Variants in KRT74 observed in about 807,000 individuals in gnomAD.
The protein encoded by KRT74 is keratin, type II cytoskeletal 74.
In KRT74, 43 loss-of-function variants were observed where a neutral mutation model predicts 42.7. The observed-to-expected ratio is 1.01, with a 90% CI of 0.79 to 1.30. The LOEUF (loss-of-function observed/expected upper bound fraction) is 1.30, where lower values mean the gene tolerates loss of function less well. Ranked by LOEUF, KRT74 falls within the 50% of genes most tolerant of loss-of-function variation. The pLI, the probability that KRT74 is intolerant of heterozygous loss-of-function variation, is 0.00. For missense variants in KRT74, 736 were observed against 689.1 expected, an observed-to-expected ratio of 1.07 and a Z score of -0.76; for synonymous variants, 302 against 279.0, an observed-to-expected ratio of 1.08 and a Z score of -0.82.
Position 52,569,710 on chromosome 12 carries a change from G to A in KRT74, c.1134+149C>T, listed in dbSNP as rs185397478. The A allele has an allele frequency of 4.3e-3, 4,248 of 990,634 alleles. 16 individuals are homozygous for A. The highest frequency in any genetic ancestry group is 0.01 in the East Asian group (427 of 41,776). The allele number at this position is 990,634 out of a possible 1,614,324, so 61.4% of individuals were successfully genotyped here. On this transcript the variant is annotated intron_variant, in intron 6 of 8. Transcript: ENST00000305620. ...GTACCAGCTCTGATGGTAGGGTACC[G>A]AGGCAGGGTGGGAAAGGGAGACTGT...
At position 52,572,758 on chromosome 12, in the gene KRT74, AT is replaced by A. The variant is rs1280880782; in HGVS notation, c.472-92del. On this transcript the variant is annotated intron_variant, in intron 1 of 8. Transcript: ENST00000305620. ...CATTGACTCCCCAGGTTTGCCATAG[AT>A]TGTTGTAGTCATTTTTGCTCATGTC... is the stretch of plus-strand genomic sequence containing the variant. 3.4e-6 allele frequency: 4 copies of A among 1,193,344 alleles called. No homozygotes were observed. In the African/African-American group the frequency reaches 6.0e-5, roughly 18 times the overall value. The allele number at this position is 1,193,344 out of a possible 1,614,324, so 73.9% of individuals were successfully genotyped here.
At position 52,568,277 on chromosome 12, in the gene KRT74, T is replaced by G; in HGVS notation, c.1247A>C (p.Glu416Ala). ...CTCGCGCAGCATCCGCGCCAGCTCC[T>G]CCTTGGCCTGGTGCAGGGCGCCCTC... ...ELEGALHQAK[E>A]ELARMLREYQ... Residue 416 changes from glutamate (E) to alanine (A), a missense_variant, in exon 7 of 9, where the codon GAG (glutamate) becomes GCG (alanine). By Grantham distance (107) the Glu-to-Ala change is moderately radical. Coordinates refer to ENST00000305620, the MANE Select transcript of KRT74 (RefSeq NM_175053.4). The G allele has an allele frequency of 6.2e-7, 1 of 1,614,156 alleles. No homozygotes were observed. Among genetic ancestry groups the G allele is most frequent in the South Asian group, 1.1e-5 (1 of 91,082 alleles).
intron 2 of KRT74, among the ~76,000 whole-genome samples, chr12:52,572,210 G>A (rs1022801058): frequency 6.6e-6 from 1 of 152,098 alleles, no homozygotes; most frequent in Non-Finnish European, 1.5e-5. Flanking sequence ...GGTGCCTATT[G>A]GGCTCCCGAC....
chr12:52,571,457 GC>G lies in KRT74; in HGVS notation c.748-4del. The G allele has an allele frequency of 6.2e-7, 1 of 1,610,000 alleles. No individual in the cohort carries two copies. Among genetic ancestry groups the G allele is most frequent in the African/African-American group, 1.3e-5 (1 of 74,936 alleles). On this transcript the variant is annotated splice_polypyrimidine_tract_variant and splice_region_variant and intron_variant, in intron 3 of 8. Transcript: ENST00000305620. ...ACTGCGTAGGCTGCATCTGCATCCT[GC>G]CAAGAGGCCCCAGAGTCATTGGGGG...
chr12:52,566,912 T>G lies in KRT74; in HGVS notation c.*57A>C. ...GGGAACTTGGGTGTGGCAGACACCT[T>G]TGGGGGTGGCAAAGTCACCTCTTCT... is the stretch of plus-strand genomic sequence containing the variant. On this transcript the variant is annotated 3_prime_UTR_variant, in exon 9 of 9. Coordinates refer to ENST00000305620, the MANE Select transcript of KRT74 (RefSeq NM_175053.4). The G allele has an allele frequency of 6.7e-7, 1 of 1,496,612 alleles. No individual in the cohort carries two copies. Among genetic ancestry groups the G allele is most frequent in the Non-Finnish European group, 9.2e-7 (1 of 1,087,980 alleles). The allele number at this position is 1,496,612 out of a possible 1,614,324, so 92.7% of individuals were successfully genotyped here. A position where few individuals can be genotyped will look rare whatever the true frequency, so the allele number is the denominator to read the frequency against.
chr12:52,569,804 C>G, intron 6 of KRT74, 55 bp downstream of exon 6: 1 of 1,611,548 alleles, frequency 6.2e-7, no homozygotes, highest in Non-Finnish European at 8.5e-7. Flanking sequence ...GCCCCATTTC[C>G]TCATCCCAGA....
In KRT74 at chr12:52,573,393, G is replaced by T; in HGVS notation, c.385C>A (p.Leu129Met). ...KSLLAPLNVELDPEIQKVRAQ... is the reference protein window; with the variant it reads ...KSLLAPLNVEMDPEIQKVRAQ... ...CGCACCTTCTGGATCTCAGGGTCCA[G>T]CTCCACGTTGAGGGGGGCCAAGAGG... Residue 129 changes from leucine (L) to methionine (M), a missense_variant, in exon 1 of 9, where the codon CTG (leucine) becomes ATG (methionine). Coordinates refer to ENST00000305620, the MANE Select transcript of KRT74 (RefSeq NM_175053.4). 1.9e-6 allele frequency: 3 copies of T among 1,614,228 alleles called. No individual in the cohort carries two copies. Among genetic ancestry groups the T allele is most frequent in the Non-Finnish European group, 2.5e-6 (3 of 1,180,038 alleles).
At position 52,571,521 on chromosome 12, in the gene KRT74, T is replaced by G. The variant is rs1264115239; in HGVS notation, c.748-67A>C. Reference sequence around the variant, plus strand: ...TCCCACAGCTGCCCTGCCCAACTCCTGCCTCAAAGCCACCTGATTTTCTAT... The same window carrying G: ...TCCCACAGCTGCCCTGCCCAACTCCGGCCTCAAAGCCACCTGATTTTCTAT... On this transcript the variant is annotated intron_variant, in intron 3 of 8. Transcript: ENST00000305620. 6.2e-6 allele frequency: 7 copies of G among 1,128,948 alleles called. No homozygotes were observed. The African/African-American group carries it at 1.1e-4, about 17-fold the overall frequency. The allele number at this position is 1,128,948 out of a possible 1,614,324, so 69.9% of individuals were successfully genotyped here.
rs143748352 is a variant in KRT74, at chr12:52,568,388, C to A, written c.1136G>T (p.Arg379Leu). Residue 379 changes from arginine (R) to leucine (L), a missense_variant and splice_region_variant, in exon 7 of 9, where the codon CGT becomes CTT. Coordinates refer to ENST00000305620, the MANE Select transcript of KRT74 (RefSeq NM_175053.4). ...RCEIGNVKKQ[R>L]ASLETAIADA... ...AGCGATGGCCGTCTCCAGGCTGGCA[C>A]GCTGAAGGGCAAAGAACAGAGAGAC... is the stretch of plus-strand genomic sequence containing the variant. 3.2e-4 allele frequency: 523 copies of A among 1,614,000 alleles called. No individual in the cohort carries two copies. The highest frequency in any genetic ancestry group is 4.0e-4 in the Non-Finnish European group (477 of 1,180,022).
rs1776363284 is a variant in KRT74, at chr12:52,568,299, C to T, written c.1225G>A (p.Gly409Ser). The change falls in exon 7 of 9, where the codon GGC (glycine) becomes AGC (serine). Residue 409 changes from glycine to serine, a missense_variant. Coordinates refer to ENST00000305620, the MANE Select transcript of KRT74 (RefSeq NM_175053.4). ...TCCTCCTTGGCCTGGTGCAGGGCGC[C>T]CTCCAGCTCATCCAGCTTGGCCTGG... ...DAQAKLDELEGALHQAKEELA... is the reference protein window; with the variant it reads ...DAQAKLDELESALHQAKEELA... The T allele has an allele frequency of 2.5e-6, 4 of 1,614,122 alleles. No homozygotes were observed. The highest frequency in any genetic ancestry group is 1.1e-5 in the South Asian group (1 of 91,090).
rs772344156 is a variant in KRT74 at position 52,569,926 on chromosome 12, C to T, written c.1067G>A (p.Ser356Asn). The T allele has an allele frequency of 6.2e-6, 10 of 1,614,092 alleles. No individual in the cohort carries two copies. Among genetic ancestry groups the T allele is most frequent in the Admixed American group, 5.0e-5 (3 of 60,014 alleles). Reference protein sequence around the residue: ...RHGDDLKHTRSEMVELNRLIQ... With the variant: ...RHGDDLKHTRNEMVELNRLIQ... ...GAGCCGGTTCAGCTCCACCATCTCG[C>T]TCCTGGTGTGTTTCAGGTCGTCACC... is the stretch of plus-strand genomic sequence containing the variant. The change falls in exon 6 of 9, where the codon AGC becomes AAC. Residue 356 changes from serine to asparagine, a missense_variant. Transcript: ENST00000305620.
chr12:52,573,715 T>G lies in KRT74; in HGVS notation c.63A>C (p.Ala21=). The G allele has an allele frequency of 6.2e-7, 1 of 1,614,118 alleles. No homozygotes were observed. Among genetic ancestry groups the G allele is most frequent in the Non-Finnish European group, 8.5e-7 (1 of 1,180,036 alleles). ...GDKGNFSVHS[A]VVPRKAVGSL... ...TACCCACAGCCTTCCTTGGCACCACTGCCGAATGCACACTGAAGTTGCCCT... is the reference window on the plus strand; with the variant it reads ...TACCCACAGCCTTCCTTGGCACCACGGCCGAATGCACACTGAAGTTGCCCT... The change falls in exon 1 of 9, where the codon GCA becomes GCC. Residue 21 remains alanine (A), a synonymous_variant. Transcript: ENST00000305620.
chr12:52,570,428 A>T (rs965380858), intron 5 of KRT74, among the ~76,000 whole-genome samples: 1 of 152,234 alleles, frequency 6.6e-6, no homozygotes, highest in Non-Finnish European at 1.5e-5. Context: ...AGGAACAGGC[A>T]GTTCGTGGAT....
chr12:52,568,292 A>C lies in KRT74; in HGVS notation c.1232T>G (p.Leu411Arg). 6.2e-7 allele frequency: 1 copy of C among 1,614,166 alleles called. No individual in the cohort carries two copies. Among genetic ancestry groups the C allele is most frequent in the South Asian group, 1.1e-5 (1 of 91,084 alleles). The change falls in exon 7 of 9, where the codon CTG becomes CGG. Residue 411 changes from leucine to arginine, a missense_variant. Transcript: ENST00000305620. ...CGCCAGCTCCTCCTTGGCCTGGTGC[A>C]GGGCGCCCTCCAGCTCATCCAGCTT... ...QAKLDELEGA[L>R]HQAKEELARM...
intron 1 of KRT74, 48 bp from the exon 2 acceptor site, chr12:52,572,715 T>A: frequency 6.4e-7 from 1 of 1,551,760 alleles, no homozygotes; most frequent in Non-Finnish European, 8.9e-7. Flanking sequence ...GGTGCAGTCA[T>A]GCCCCCTGGA....
intron 5 of KRT74, among the ~76,000 whole-genome samples, chr12:52,570,276 C>T (rs900446093): frequency 1.3e-5 from 2 of 152,212 alleles, no homozygotes; most frequent in African/African-American, 4.8e-5. Flanking sequence ...CAGGCTTCTC[C>T]TTCTCTCACT....
In KRT74 at chr12:52,572,620, C is replaced by T. The variant is rs908057152; in HGVS notation, c.519G>A (p.Glu173=). The T allele has an allele frequency of 2.5e-6, 4 of 1,614,102 alleles. No homozygotes were observed. Among genetic ancestry groups the T allele is most frequent in the Non-Finnish European group, 3.4e-6 (4 of 1,180,036 alleles). The change falls in exon 2 of 9, where the codon GAG becomes GAA. Residue 173 remains glutamate, a synonymous_variant. Coordinates refer to ENST00000305620, the MANE Select transcript of KRT74 (RefSeq NM_175053.4). ...TGTTCAGGTCCAGCTGCTGCAGCAG[C>T]TCCCACTTGGTTTCTAGAACCTGGT... ...QQNQVLETKW[E]LLQQLDLNNC...
Position 52,570,660 on chromosome 12 carries a change from G to A in KRT74, c.1008+9C>T, listed in dbSNP as rs201326779. 2.1e-5 allele frequency: 34 copies of A among 1,614,090 alleles called. No homozygotes were observed. The East Asian group carries it at 3.3e-4, about 16-fold the overall frequency. ...GGCTGCTGTGGGAGGAGACCCATTC[G>A]GTGACCACCTTGGTCTGGTACAGGG... is the stretch of plus-strand genomic sequence containing the variant. On this transcript the variant is annotated intron_variant, in intron 5 of 8. Coordinates refer to ENST00000305620, the MANE Select transcript of KRT74 (RefSeq NM_175053.4).
Position 52,570,903 on chromosome 12 carries a change from G to A in KRT74, c.844-70C>T, listed in dbSNP as rs572339664. The A allele has an allele frequency of 7.0e-6, 11 of 1,580,642 alleles. No individual in the cohort carries two copies. In the African/African-American group the frequency reaches 1.5e-4, roughly 21 times the overall value. On this transcript the variant is annotated intron_variant, in intron 4 of 8. Transcript: ENST00000305620. Reference sequence around the variant, plus strand: ...CTCTTCTGCCCCATCAGTCTTCTGGGCCCATGGTCCCTGGCCCAATAGGCT... The same window carrying A: ...CTCTTCTGCCCCATCAGTCTTCTGGACCCATGGTCCCTGGCCCAATAGGCT...
Sources: allele counts gnomAD v4.1 joint callset (sites outside exome capture counted in the v4.1 genomes callset), GRCh38; gene constraint gnomAD v4.1.1; transcripts MANE v1.5; gene names NCBI Gene and HGNC (gene_info 2026-07-23, HGNC 2026-07-21).